The following UPK1B variants were observed in gnomAD, a reference collection of about 807,000 sequenced individuals.
The protein encoded by UPK1B is uroplakin-1b.
In UPK1B, 28 loss-of-function variants were observed where a neutral mutation model predicts 34.2. The ratio of observed to expected loss-of-function variants is 0.82; its 90% CI spans 0.61 to 1.12. The LOEUF (loss-of-function observed/expected upper bound fraction) is 1.12, where lower values mean the gene tolerates loss of function less well. UPK1B is among the 50% of genes most tolerant of loss of function. The pLI is 0.00. For missense variants in UPK1B, 325 were observed against 320.9 expected, an observed-to-expected ratio of 1.01 and a Z score of -0.10; for synonymous variants, 81 against 110.4, an observed-to-expected ratio of 0.73 and a Z score of 1.67.
intron 4 of UPK1B, 71 bp from the exon 5 acceptor site, chr3:119,190,911 G>A: frequency 6.3e-7 from 1 of 1,590,496 alleles, no homozygotes; most frequent in African/African-American, 1.3e-5. Context: ...AAAAGACAGA[G>A]AAAAATATTT....
intron 1 of UPK1B, among the ~76,000 whole-genome samples, chr3:119,176,357 T>G (rs1047489960): frequency 1.3e-5 from 2 of 152,212 alleles, no homozygotes; most frequent in African/African-American, 4.8e-5. Flanking sequence ...GTTTGTTTAG[T>G]GAGCAATTGT....
At chr3:119,181,894 AGAGCAGAATACTCTCT>A (rs1248416457) in intron 1 of UPK1B, among the ~76,000 whole-genome samples, 2 of 152,222 alleles carry the variant, frequency 1.3e-5, no homozygotes, top group South Asian at 2.1e-4. Flanking sequence ...AAAGGGCAGC[AGAGCAGAATACTCTCT>A]GAGTAATGTC....
intron 6 of UPK1B, among the ~76,000 whole-genome samples, chr3:119,195,787 G>A (rs1157024167): frequency 6.6e-6 from 1 of 152,132 alleles, no homozygotes; most frequent in Non-Finnish European, 1.5e-5. Flanking sequence ...TTATTTCATA[G>A]TTATACCTTT....
chr3:119,196,366 T>C (rs2078067443), intron 6 of UPK1B, among the ~76,000 whole-genome samples: 1 of 152,148 alleles, frequency 6.6e-6, no homozygotes, highest in Admixed American at 6.5e-5. Context: ...TACCTGGAAC[T>C]ATATTTGTTC....
chr3:119,174,780 A>G (rs2077945286), intron 1 of UPK1B, among the ~76,000 whole-genome samples: 1 of 151,776 alleles, frequency 6.6e-6, no homozygotes, highest in African/African-American at 2.4e-5. Flanking sequence ...GAAGAAGTGG[A>G]TTTTCTTTTT....
intron 1 of UPK1B, among the ~76,000 whole-genome samples, chr3:119,179,235 G>A (rs2077973875): frequency 6.6e-6 from 1 of 150,608 alleles, no homozygotes; most frequent in South Asian, 2.1e-4. Flanking sequence ...GCTGAAGCAG[G>A]AGGATCACTT....
chr3:119,202,260 A>T (rs2078094881), intron 7 of UPK1B, among the ~76,000 whole-genome samples: 1 of 152,180 alleles, frequency 6.6e-6, no homozygotes, highest in Non-Finnish European at 1.5e-5. Flanking sequence ...AAGCATGCCC[A>T]TTTCACTGTT....
chr3:119,196,014 G>C (rs1325312687), intron 6 of UPK1B, among the ~76,000 whole-genome samples: 1 of 123,024 alleles, frequency 8.1e-6, no homozygotes, highest in East Asian at 3.3e-4. Flanking sequence ...CAGTTCCCTG[G>C]CTTTATCTGT....
intron 2 of UPK1B, among the ~76,000 whole-genome samples, 185 bp downstream of exon 2, chr3:119,186,995 G>A (rs909729256): frequency 2.0e-5 from 3 of 152,174 alleles, no homozygotes; most frequent in African/African-American, 4.8e-5. Context: ...AAAGATCATG[G>A]TTGAAAAAGT....
intron 7 of UPK1B, among the ~76,000 whole-genome samples, chr3:119,200,074 C>A (rs2078084775): frequency 6.6e-6 from 1 of 152,188 alleles, no homozygotes; most frequent in Non-Finnish European, 1.5e-5. Flanking sequence ...TTTGCACCTT[C>A]ATTCAATCTG....
At chr3:119,180,331 A>G (rs1364609689) in intron 1 of UPK1B, among the ~76,000 whole-genome samples, 1 of 152,232 alleles carries the variant, frequency 6.6e-6, no homozygotes, top group Non-Finnish European at 1.5e-5. Context: ...TCACATCTAA[A>G]GAATATCTTC....
chr3:119,174,430 C>T (rs1256832708), intron 1 of UPK1B, among the ~76,000 whole-genome samples: 3 of 152,166 alleles, frequency 2.0e-5, no homozygotes, highest in Non-Finnish European at 4.4e-5. Context: ...TAAAACTCCA[C>T]TTCTAACTAG....
chr3:119,183,384 C>T (rs1219806321), intron 1 of UPK1B, among the ~76,000 whole-genome samples: 1 of 151,872 alleles, frequency 6.6e-6, no homozygotes, highest in Non-Finnish European at 1.5e-5. Flanking sequence ...GACTCAGCCT[C>T]CCAAGTAGCT....
intron 1 of UPK1B, chr3:119,176,238 G>C (rs989568538): frequency 6.6e-6 from 1 of 152,114 alleles, no homozygotes. Context: ...TGGTTTGTGT[G>C]TTCTCTGGTA....
At chr3:119,191,170 G>T in intron 5 of UPK1B, 66 bp downstream of exon 5, 3 of 1,524,100 alleles carry the variant, frequency 2.0e-6, no homozygotes, top group South Asian at 2.4e-5. Flanking sequence ...TCATACACAT[G>T]ACTCAGTGGG....
At chr3:119,174,063 G>A (rs2077941379) in intron 1 of UPK1B, among the ~76,000 whole-genome samples, 1 of 152,090 alleles carries the variant, frequency 6.6e-6, no homozygotes, top group Admixed American at 6.5e-5. Context: ...GAAATAGCTC[G>A]TGTTATTTCT....
At chr3:119,185,014 G>A (rs2078010764) in intron 1 of UPK1B, among the ~76,000 whole-genome samples, 1 of 152,230 alleles carries the variant, frequency 6.6e-6, no homozygotes, top group Non-Finnish European at 1.5e-5. Flanking sequence ...CCCCCTTGGG[G>A]GAGTTTGTGC....
chr3:119,188,778 T>TC (rs2078031103), intron 3 of UPK1B, among the ~76,000 whole-genome samples: 1 of 152,088 alleles, frequency 6.6e-6, no homozygotes, highest in South Asian at 2.1e-4. Flanking sequence ...ACGCCTCCAA[T>TC]CCCCCACCCC....
In UPK1B at chr3:119,204,174, A is replaced by G. The variant is rs2078108230; in HGVS notation, c.*207A>G. ...TTTCATCCTAGTCTAGCATTCTGCA[A>G]CATTTATATAGACTGTTGAAAGGAG... is the stretch of plus-strand genomic sequence containing the variant. On this transcript the variant is annotated 3_prime_UTR_variant, in exon 8 of 8. Transcript: ENST00000264234. 2 of 556,472 alleles carry G rather than the reference A, an allele frequency of 3.6e-6. No homozygotes were observed. The highest frequency in any genetic ancestry group is 1.9e-5 in the African/African-American group (1 of 53,624). The allele number at this position is 556,472 out of a possible 1,614,324, so 34.5% of individuals were successfully genotyped here. A position where few individuals can be genotyped will look rare whatever the true frequency, so the allele number is the denominator to read the frequency against.
Sources: allele counts gnomAD v4.1 joint callset (sites outside exome capture counted in the v4.1 genomes callset), GRCh38; gene constraint gnomAD v4.1.1; transcripts MANE v1.5; gene names NCBI Gene and HGNC (gene_info 2026-07-23, HGNC 2026-07-21).